The following SNTN variants were observed in gnomAD, a reference collection of about 807,000 sequenced individuals.
SNTN encodes sentan, cilia apical structure protein, also known as sentan.
Under a neutral mutation model 12.3 loss-of-function variants are expected in SNTN, and 13 were observed. That is an observed-to-expected ratio of 1.05 (90% CI 0.69 to 1.67). The LOEUF (loss-of-function observed/expected upper bound fraction) is 1.67. SNTN is among the 40% of genes most tolerant of loss of function. The probability of loss-of-function intolerance (pLI) is 0.00; values close to 1 mark genes in which losing one functional copy is unlikely to be tolerated. For missense variants in SNTN, 189 were observed against 169.8 expected (o/e 1.11, Z -0.63); for synonymous variants, 69 against 58.5 (o/e 1.18, Z -0.82).
chr3:63,657,423 GA>G (rs1700692308), intron 2 of SNTN, among the ~76,000 whole-genome samples: 1 of 152,198 alleles, frequency 6.6e-6, no homozygotes, highest in Non-Finnish European at 1.5e-5. Flanking sequence ...GGCAGACAGT[GA>G]AGGAATTAAG....
chr3:63,654,896 G>T (rs560900378), intron 2 of SNTN, 100 bp downstream of exon 2: 9 of 1,065,246 alleles, frequency 8.4e-6, no homozygotes, highest in Admixed American at 4.2e-5. Flanking sequence ...TGCCAGAGAT[G>T]TAAGGGAACT....
At chr3:63,661,450 G>T (rs561012021) in intron 3 of SNTN, among the ~76,000 whole-genome samples, 1 of 152,150 alleles carries the variant, frequency 6.6e-6, no homozygotes, top group African/African-American at 2.4e-5. Flanking sequence ...CCACTGGGGG[G>T]AGCTAAGTCA....
intron 2 of SNTN, among the ~76,000 whole-genome samples, chr3:63,655,585 C>T (rs1039331513): frequency 6.6e-6 from 1 of 152,188 alleles, no homozygotes; most frequent in Non-Finnish European, 1.5e-5. Flanking sequence ...ACATGTCTAA[C>T]ATAACTTCTC....
rs1260586992 is a variant in SNTN, at chr3:63,665,054, A to C, written c.*959A>C. ...AGGCTTGAGCCACCAAGTCTGGCCA[A>C]GGGGACTTTTAAGGGGGCTGGAAAT... On this transcript the variant is annotated 3_prime_UTR_variant, in exon 4 of 4. Transcript: ENST00000343837. Among the ~76,000 whole-genome samples, 1 of 152,160 alleles carries C rather than the reference A, an allele frequency of 6.6e-6. No individual in the cohort carries two copies. Among genetic ancestry groups the C allele is most frequent in the Non-Finnish European group, 1.5e-5 (1 of 68,030 alleles).
chr3:63,659,428 A>T (rs928439034), intron 2 of SNTN, among the ~76,000 whole-genome samples: 9 of 152,210 alleles, frequency 5.9e-5, no homozygotes, highest in African/African-American at 2.2e-4. Context: ...TAACTGAATG[A>T]AATTACAGAT....
Position 63,654,773 on chromosome 3 carries a change from C to T in SNTN, c.122C>T (p.Ser41Phe), listed in dbSNP as rs749755057. The T allele has an allele frequency of 1.7e-5, 28 of 1,612,846 alleles. No individual in the cohort carries two copies. The Admixed American group carries it at 4.5e-4, about 26-fold the overall frequency. ...PRKMPKRISI[S>F]KQLASVKALR... ...CATTTTGTTGGCAGGATTTCAATAT[C>T]CAAACAACTGGCTTCAGTGAAAGGT... The change falls in exon 2 of 4, where the codon TCC (serine) becomes TTC (phenylalanine). Residue 41 changes from serine (S) to phenylalanine (F), a missense_variant. Ser to Phe is a radical substitution (Grantham distance 155). Transcript: ENST00000343837.
intron 1 of SNTN, 130 bp from the exon 2 acceptor site, chr3:63,654,632 G>A (rs1477631233): frequency 2.4e-5 from 18 of 740,600 alleles, no homozygotes; most frequent in Admixed American, 2.2e-4. Flanking sequence ...ACAGATGGCT[G>A]CTCCACTAAA....
intron 3 of SNTN, among the ~76,000 whole-genome samples, chr3:63,662,334 T>A (rs1700751490): frequency 6.6e-6 from 1 of 152,122 alleles, no homozygotes; most frequent in South Asian, 2.1e-4. Flanking sequence ...AAGGCCTGAG[T>A]TCTAAGGGGA....
chr3:63,654,533 TACA>T (rs1700654558), intron 1 of SNTN, among the ~76,000 whole-genome samples: 1 of 152,174 alleles, frequency 6.6e-6, no homozygotes, highest in African/African-American at 2.4e-5. Context: ...GCTGCAAAAC[TACA>T]AGGAAGACTG....
In SNTN at chr3:63,658,897, C is replaced by T. The variant is rs575076457; in HGVS notation, c.146-828C>T. Among the ~76,000 whole-genome samples, 6 of 152,218 alleles carry T rather than the reference C, an allele frequency of 3.9e-5. No individual in the cohort carries two copies. In the East Asian group the frequency reaches 9.7e-4, roughly 24 times the overall value. ...TTCATTTAACAGCATTTATTAGCAC[C>T]TACAATGTAGCAGACATTTGTACTG... On this transcript the variant is annotated intron_variant, in intron 2 of 3. Coordinates refer to ENST00000343837, the MANE Select transcript of SNTN (RefSeq NM_001080537.2).
intron 1 of SNTN, among the ~76,000 whole-genome samples, 169 bp downstream of exon 1, chr3:63,652,966 C>T (rs1461536288): frequency 1.3e-5 from 2 of 152,200 alleles, no homozygotes; most frequent in African/African-American, 2.4e-5. Flanking sequence ...AACAAACTTG[C>T]AGCCTTGACT....
At chr3:63,653,705 G>A (rs1700645761) in intron 1 of SNTN, among the ~76,000 whole-genome samples, 1 of 152,190 alleles carries the variant, frequency 6.6e-6, no homozygotes, top group Non-Finnish European at 1.5e-5. Context: ...TTATAAGAGA[G>A]CAAGATACAA....
chr3:63,656,771 G>A lies in SNTN; in HGVS notation c.145+1975G>A, dbSNP rs76904715. On this transcript the variant is annotated intron_variant, in intron 2 of 3. Coordinates refer to ENST00000343837, the MANE Select transcript of SNTN (RefSeq NM_001080537.2). ...TAAGAATTACAGAAGCACAAAGGAAGGACATGTAGCCCCACCTGGGAGTTT... is the reference window on the plus strand; with the variant it reads ...TAAGAATTACAGAAGCACAAAGGAAAGACATGTAGCCCCACCTGGGAGTTT... 3.2e-3 allele frequency among the ~76,000 whole-genome samples: 482 copies of A among 152,302 alleles called. 1 individual carries two copies. Among genetic ancestry groups the A allele is most frequent in the Non-Finnish European group, 5.3e-3 (361 of 68,018 alleles).
intron 2 of SNTN, among the ~76,000 whole-genome samples, chr3:63,655,198 A>C (rs781503667): frequency 3.2e-4 from 49 of 152,214 alleles, no homozygotes; most frequent in South Asian, 6.2e-4. Context: ...CTGAGTGGAA[A>C]CAGTGTGGCC....
rs780135430 is a variant in SNTN, at chr3:63,663,982, G to C, written c.331G>C (p.Asp111His). The change falls in exon 4 of 4, where the codon GAT becomes CAT. Residue 111 changes from aspartate to histidine, a missense_variant. Asp to His is a moderately conservative substitution (Grantham distance 81). Transcript: ENST00000343837. The stretch of plus-strand genomic sequence containing the variant: ...ATACAGAGAGATCCTTTCTGAACTT[G>C]ATGAGCACACAGAAAATAAGCTAGA... Reference protein sequence around the residue: ...PKYREILSELDEHTENKLDFE... With the variant: ...PKYREILSELHEHTENKLDFE... The C allele has an allele frequency of 2.5e-5, 40 of 1,613,804 alleles. No homozygotes were observed. Among genetic ancestry groups the C allele is most frequent in the Non-Finnish European group, 3.1e-5 (36 of 1,179,976 alleles).
intron 3 of SNTN, among the ~76,000 whole-genome samples, chr3:63,662,133 T>G (rs1347939957): frequency 6.6e-6 from 1 of 152,082 alleles, no homozygotes; most frequent in Non-Finnish European, 1.5e-5. Flanking sequence ...GACAGTTCAT[T>G]CCAAGGCATT....
At position 63,654,749 on chromosome 3, in the gene SNTN, A is replaced by G; in HGVS notation, c.111-13A>G. ...CTCCCAGAATCATTCTGTTTCTTTC[A>G]TTTTGTTGGCAGGATTTCAATATCC... On this transcript the variant is annotated splice_polypyrimidine_tract_variant and intron_variant, in intron 1 of 3. Coordinates refer to ENST00000343837, the MANE Select transcript of SNTN (RefSeq NM_001080537.2). 1.2e-6 allele frequency: 2 copies of G among 1,612,568 alleles called. No homozygotes were observed. Among genetic ancestry groups the G allele is most frequent in the Non-Finnish European group, 1.7e-6 (2 of 1,179,040 alleles).
intron 1 of SNTN, 49 bp downstream of exon 1, chr3:63,652,846 A>T: frequency 6.4e-7 from 1 of 1,554,172 alleles, no homozygotes; most frequent in South Asian, 1.1e-5. Flanking sequence ...AAGCTTGCAG[A>T]TATATTTCCA....
At chr3:63,660,595 T>C (rs566328067) in intron 3 of SNTN, among the ~76,000 whole-genome samples, 6 of 151,952 alleles carry the variant, frequency 3.9e-5, no homozygotes, top group South Asian at 2.1e-4. Context: ...GATCTGACAA[T>C]TGATTGACTG....
Sources: allele counts gnomAD v4.1 joint callset (sites outside exome capture counted in the v4.1 genomes callset), GRCh38; gene constraint gnomAD v4.1.1; transcripts MANE v1.5; gene names NCBI Gene and HGNC (gene_info 2026-07-23, HGNC 2026-07-21).